Variants in NME5 observed in about 807,000 individuals in gnomAD.
NME5 encodes nucleoside diphosphate kinase 5.
NME5 carries 18 observed loss-of-function variants against 21.6 expected under a neutral mutation model. The ratio of observed to expected loss-of-function variants is 0.83; its 90% CI spans 0.58 to 1.24. NME5 has a LOEUF of 1.24. Among genes scored for constraint, NME5 ranks in the 50% most tolerant of loss-of-function variants. The probability of loss-of-function intolerance (pLI) is 0.00; values close to 1 mark genes in which losing one functional copy is unlikely to be tolerated. For missense variants in NME5, 223 were observed against 255.4 expected (o/e 0.87, Z 0.86); for synonymous variants, 70 against 80.6 (o/e 0.87, Z 0.71).
intron 4 of NME5, among the ~76,000 whole-genome samples, chr5:138,126,001 A>G (rs1006880304): frequency 1.3e-5 from 2 of 152,234 alleles, no homozygotes; most frequent in Non-Finnish European, 2.9e-5. Context: ...TTTTGCACAT[A>G]GTTGTTCATC....
chr5:138,131,942 G>A (rs538858791), intron 2 of NME5, among the ~76,000 whole-genome samples: 1 of 152,022 alleles, frequency 6.6e-6, no homozygotes, highest in Non-Finnish European at 1.5e-5. Context: ...CAGGTTTTTC[G>A]CTTTGTTGGC....
intron 2 of NME5, among the ~76,000 whole-genome samples, chr5:138,137,447 A>T (rs1307368379): frequency 1.3e-5 from 2 of 151,846 alleles, no homozygotes; most frequent in African/African-American, 4.8e-5. Context: ...CTTCCCAAGT[A>T]GCTGGGACTA....
chr5:138,135,420 C>T (rs1487110568), intron 2 of NME5, among the ~76,000 whole-genome samples: 2 of 151,444 alleles, frequency 1.3e-5, no homozygotes, highest in African/African-American at 4.9e-5. Flanking sequence ...CTGCAACCTC[C>T]GCCTCCCGGG....
At chr5:138,129,048 T>G (rs1751497018) in intron 3 of NME5, among the ~76,000 whole-genome samples, 2 of 152,170 alleles carry the variant, frequency 1.3e-5, no homozygotes, top group African/African-American at 4.8e-5. Flanking sequence ...CATTCTCTGT[T>G]GCTTTTTCTG....
At chr5:138,122,025 A>G (rs578105261) in intron 4 of NME5, among the ~76,000 whole-genome samples, 1 of 152,282 alleles carries the variant, frequency 6.6e-6, no homozygotes, top group Non-Finnish European at 1.5e-5. Context: ...AAGAATTGCC[A>G]TCTTAACAAT....
intron 2 of NME5, 101 bp downstream of exon 2, chr5:138,138,551 G>T: frequency 1.0e-6 from 1 of 956,370 alleles, no homozygotes; most frequent in Non-Finnish European, 1.6e-6. Context: ...TAAATTTAAT[G>T]CTGAACACTA....
chr5:138,124,648 G>A (rs765039016), intron 4 of NME5, among the ~76,000 whole-genome samples: 2 of 152,048 alleles, frequency 1.3e-5, no homozygotes, highest in Non-Finnish European at 1.5e-5. Flanking sequence ...AGCCTCCCAA[G>A]TAGCTGGGAC....
chr5:138,118,880 T>C lies in NME5; in HGVS notation c.493A>G (p.Ile165Val), dbSNP rs1452756838. The change falls in exon 5 of 6, where the codon ATA becomes GTA. Residue 165 changes from isoleucine (I) to valine (V), a missense_variant. Coordinates refer to ENST00000265191, the MANE Select transcript of NME5 (RefSeq NM_003551.3). ...AGTCCTTCAAGCAGAGTTGGCATTA[T>C]ATGTAAATTTAAATAGTCCTTAGCA... ...QAAKDYLNLH[I>V]MPTLLEGLTE... The C allele has an allele frequency of 1.9e-6, 3 of 1,613,630 alleles. No homozygotes were observed. Among genetic ancestry groups the C allele is most frequent in the Admixed American group, 3.3e-5 (2 of 59,982 alleles).
intron 4 of NME5, among the ~76,000 whole-genome samples, chr5:138,126,035 A>C (rs895306517): frequency 6.6e-6 from 1 of 152,226 alleles, no homozygotes; most frequent in Non-Finnish European, 1.5e-5. Context: ...GAGGACGCTC[A>C]TACCACAAAC....
chr5:138,131,314 G>A (rs1252214641), intron 2 of NME5, among the ~76,000 whole-genome samples: 1 of 151,556 alleles, frequency 6.6e-6, no homozygotes, highest in Non-Finnish European at 1.5e-5. Flanking sequence ...CCGGGAGGCA[G>A]AGGTTGCAGT....
Position 138,129,402 on chromosome 5 carries a change from A to C in NME5, c.196T>G (p.Phe66Val), listed in dbSNP as rs1751508048. Residue 66 changes from phenylalanine to valine, a missense_variant, in exon 3 of 6, where the codon TTT becomes GTT. Transcript: ENST00000265191. The stretch of plus-strand genomic sequence containing the variant: ...ATGTAAGCTGTTAAGTTGGGGAAAA[A>C]CATTTTTCCATACTTTTCCACATAA... ...NFYVEKYGKM[F>V]FPNLTAYMSS... The C allele has an allele frequency of 1.2e-6, 2 of 1,613,984 alleles. No homozygotes were observed. The highest frequency in any genetic ancestry group is 8.5e-7 in the Non-Finnish European group (1 of 1,180,010).
rs536489997 is a variant in NME5, at chr5:138,124,144, G to A, written c.436+4335C>T. On this transcript the variant is annotated intron_variant, in intron 4 of 5. Coordinates refer to ENST00000265191, the MANE Select transcript of NME5 (RefSeq NM_003551.3). ...CCCGAGTAGCTGGGATTATAGGCACGTGCCACCACACCTGGCTAATTTTTT... is the reference window on the plus strand; with the variant it reads ...CCCGAGTAGCTGGGATTATAGGCACATGCCACCACACCTGGCTAATTTTTT... 3.3e-5 allele frequency among the ~76,000 whole-genome samples: 5 copies of A among 151,276 alleles called. No homozygotes were observed. The East Asian group carries it at 5.9e-4, about 18-fold the overall frequency.
At chr5:138,129,156 A>G in intron 3 of NME5, 107 bp downstream of exon 3, 2 of 953,058 alleles carry the variant, frequency 2.1e-6, no homozygotes, top group Non-Finnish European at 3.2e-6. Flanking sequence ...GATTTTGGAA[A>G]ACTTCCAAAT....
At chr5:138,118,461 G>C (rs112537258) in intron 5 of NME5, among the ~76,000 whole-genome samples, 4,109 of 149,954 alleles carry the variant, frequency 0.027, 101 homozygotes, top group African/African-American at 0.063. Context: ...TGTCTTAAAC[G>C]TGAAAACTAC....
chr5:138,133,162 G>A (rs748405904), intron 2 of NME5, among the ~76,000 whole-genome samples: 3 of 150,884 alleles, frequency 2.0e-5, no homozygotes, highest in Non-Finnish European at 4.4e-5. Context: ...GTGCAGTGGC[G>A]CGATCTCGGC....
chr5:138,120,743 T>C (rs574253955), intron 4 of NME5, among the ~76,000 whole-genome samples: 1 of 152,328 alleles, frequency 6.6e-6, no homozygotes, highest in East Asian at 1.9e-4. Context: ...AATTTTTGTG[T>C]ATGCTATGAA....
chr5:138,139,324 C>T (rs951386476), intron 1 of NME5, 47 bp downstream of exon 1: 15 of 983,244 alleles, frequency 1.5e-5, no homozygotes, highest in Non-Finnish European at 1.6e-5. Context: ...GGGGACTTTC[C>T]GGGTTGCACC....
At chr5:138,132,736 A>G (rs1349904323) in intron 2 of NME5, among the ~76,000 whole-genome samples, 1 of 152,190 alleles carries the variant, frequency 6.6e-6, no homozygotes, top group Non-Finnish European at 1.5e-5. Flanking sequence ...TAGGTGGCAT[A>G]GCTCTGCTAT....
At chr5:138,123,066 C>A (rs974647035) in intron 4 of NME5, 1 of 152,044 alleles carries the variant, frequency 6.6e-6, no homozygotes, top group African/African-American at 2.4e-5. Context: ...CCAAGCTAAT[C>A]TTCTCTGTAT....
Sources: allele counts gnomAD v4.1 joint callset (sites outside exome capture counted in the v4.1 genomes callset), GRCh38; gene constraint gnomAD v4.1.1; transcripts MANE v1.5; gene names NCBI Gene and HGNC (gene_info 2026-07-23, HGNC 2026-07-21).